Variants in NEK10 observed in about 807,000 individuals in gnomAD.
NEK10 encodes the protein serine/threonine-protein kinase Nek10.
In NEK10, 122 loss-of-function variants were observed where a neutral mutation model predicts 159.8. The observed-to-expected ratio is 0.76, with a 90% CI of 0.66 to 0.89. NEK10 has a LOEUF of 0.89. NEK10 is among the 40% of genes least tolerant of loss of function. The pLI, the probability that NEK10 is intolerant of heterozygous loss-of-function variation, is 0.00. For missense variants in NEK10, 1,342 were observed against 1,323.1 expected, an observed-to-expected ratio of 1.01 and a Z score of -0.22; for synonymous variants, 466 against 457.1, an observed-to-expected ratio of 1.02 and a Z score of -0.25.
chr3:27,180,797 CTCT>C (rs1468729833), intron 26 of NEK10, among the ~76,000 whole-genome samples: 1 of 152,086 alleles, frequency 6.6e-6, no homozygotes, highest in East Asian at 1.9e-4. Context: ...CCACTGCAAT[CTCT>C]TCTTAACCAA....
At chr3:27,212,385 T>C (rs1342629185) in intron 23 of NEK10, among the ~76,000 whole-genome samples, 1 of 152,222 alleles carries the variant, frequency 6.6e-6, no homozygotes, top group East Asian at 1.9e-4. Flanking sequence ...ATCTGTAATC[T>C]TATGTGGCTG....
chr3:27,281,855 G>A (rs528682719), intron 22 of NEK10, among the ~76,000 whole-genome samples: 4 of 152,254 alleles, frequency 2.6e-5, no homozygotes, highest in Admixed American at 2.6e-4. Flanking sequence ...ACAAAAGTGG[G>A]AGTACTTATC....
chr3:27,341,038 C>A (rs1040743185), intron 5 of NEK10, among the ~76,000 whole-genome samples: 1 of 152,006 alleles, frequency 6.6e-6, no homozygotes, highest in African/African-American at 2.4e-5. Context: ...AAAATCACAT[C>A]ATTTATAGCA....
chr3:27,115,244 C>T (rs2125412926), intron 35 of NEK10, among the ~76,000 whole-genome samples: 1 of 152,320 alleles, frequency 6.6e-6, no homozygotes, highest in Middle Eastern at 3.4e-3. Flanking sequence ...CAATCACCTA[C>T]AATGCTAATT....
At chr3:27,331,262 A>AAAAAAAAAAAAAAAAACAC in intron 5 of NEK10, among the ~76,000 whole-genome samples, 10 of 110,074 alleles carry the variant, frequency 9.1e-5, no homozygotes, top group African/African-American at 1.2e-4. Context: ...AAAAAAAAAA[A>AAAAAAAAAAAAAAAAACAC]ACACACAAAC....
chr3:27,269,406 C>A (rs765947106), intron 22 of NEK10, among the ~76,000 whole-genome samples: 4 of 152,188 alleles, frequency 2.6e-5, no homozygotes, highest in Non-Finnish European at 4.4e-5. Context: ...ATTGCCACAG[C>A]CACACCAAAC....
chr3:27,120,715 A>G (rs1319325018), intron 32 of NEK10, among the ~76,000 whole-genome samples: 1 of 152,150 alleles, frequency 6.6e-6, no homozygotes, highest in Non-Finnish European at 1.5e-5. Context: ...TGATGGAAAG[A>G]GTAATTTGCC....
In NEK10 at chr3:27,256,279, A is replaced by G; in HGVS notation, c.2090+17T>C. ...GTTAAGTATGATGTTTGAGAGCCATAAAAGAATTGTCCTTACCAAGAATAC... is the reference window on the plus strand; with the variant it reads ...GTTAAGTATGATGTTTGAGAGCCATGAAAGAATTGTCCTTACCAAGAATAC... On this transcript the variant is annotated intron_variant, in intron 23 of 35. Coordinates refer to ENST00000691995, the MANE Select transcript of NEK10 (RefSeq NM_001394966.1). 1.5e-6 allele frequency: 2 copies of G among 1,307,664 alleles called. No individual in the cohort carries two copies. Among genetic ancestry groups the G allele is most frequent in the Non-Finnish European group, 2.1e-6 (2 of 957,442 alleles). 81.0% of individuals were successfully genotyped at this position (1,307,664 alleles called of 1,614,324 possible).
At chr3:27,338,696 CAT>C (rs2046989295) in intron 5 of NEK10, among the ~76,000 whole-genome samples, 1 of 152,178 alleles carries the variant, frequency 6.6e-6, no homozygotes, top group Middle Eastern at 3.2e-3. Context: ...AGCATTTTTG[CAT>C]ATGTCTGTTG....
At chr3:27,288,197 T>G (rs1403871864) in intron 19 of NEK10, among the ~76,000 whole-genome samples, 1 of 152,240 alleles carries the variant, frequency 6.6e-6, no homozygotes, top group Non-Finnish European at 1.5e-5. Context: ...CTATTTACAC[T>G]ATTTCTGTCT....
chr3:27,165,793 T>C (rs1403668456), intron 29 of NEK10, among the ~76,000 whole-genome samples: 3 of 152,164 alleles, frequency 2.0e-5, no homozygotes, highest in African/African-American at 7.2e-5. Flanking sequence ...GGAATTAGCA[T>C]CGTAATTTTT....
chr3:27,119,273 G>A (rs1463539174), intron 33 of NEK10, among the ~76,000 whole-genome samples: 1 of 152,134 alleles, frequency 6.6e-6, no homozygotes, highest in Admixed American at 6.5e-5. Context: ...TTGAATCTAG[G>A]CACCCAGGTT....
intron 5 of NEK10, among the ~76,000 whole-genome samples, chr3:27,330,534 TA>T (rs2046322945): frequency 6.6e-6 from 1 of 152,220 alleles, no homozygotes; most frequent in Non-Finnish European, 1.5e-5. Context: ...AAAGTTAATA[TA>T]GCTGTTTCTA....
intron 22 of NEK10, among the ~76,000 whole-genome samples, chr3:27,282,171 T>C (rs1235056425): frequency 3.3e-5 from 5 of 152,130 alleles, no homozygotes; most frequent in South Asian, 2.1e-4. Flanking sequence ...CCCATTACAA[T>C]AGAAAATCAA....
At chr3:27,241,038 C>G (rs1407046609) in intron 23 of NEK10, among the ~76,000 whole-genome samples, 2 of 151,986 alleles carry the variant, frequency 1.3e-5, no homozygotes, top group South Asian at 2.1e-4. Flanking sequence ...GAGTAGCACC[C>G]CAGAACTACA....
chr3:27,308,945 G>C lies in NEK10; in HGVS notation c.697C>G (p.Leu233Val), dbSNP rs200261554. 30 of 1,594,028 alleles carry C rather than the reference G, an allele frequency of 1.9e-5. No individual in the cohort carries two copies. The highest frequency in any genetic ancestry group is 1.8e-4 in the Admixed American group (11 of 59,758). Reference sequence around the variant, plus strand: ...ACTTACCTTTCTGCTAAACTAGCCAGAGCCAGAAGGGAACCCAATAGAACA... The same window carrying C: ...ACTTACCTTTCTGCTAAACTAGCCACAGCCAGAAGGGAACCCAATAGAACA... ...TNVLLGSLLA[L>V]ASLAESQECR... Residue 233 changes from leucine to valine, a missense_variant, in exon 10 of 36, where the codon CTG becomes GTG. Coordinates refer to ENST00000691995, the MANE Select transcript of NEK10 (RefSeq NM_001394966.1).
intron 23 of NEK10, 114 bp from the exon 24 acceptor site, chr3:27,202,671 A>C (rs1360715513): frequency 7.7e-7 from 1 of 1,290,618 alleles, no homozygotes. Flanking sequence ...TGTTTAACTT[A>C]ATCACTATTT....
At chr3:27,245,574 C>T (rs1954975067) in intron 23 of NEK10, among the ~76,000 whole-genome samples, 1 of 152,140 alleles carries the variant, frequency 6.6e-6, no homozygotes, top group South Asian at 2.1e-4. Flanking sequence ...TTGGACTGCC[C>T]AGCCAAGCCA....
At chr3:27,261,188 A>AT (rs2040382385) in intron 22 of NEK10, among the ~76,000 whole-genome samples, 1 of 151,992 alleles carries the variant, frequency 6.6e-6, no homozygotes, top group Non-Finnish European at 1.5e-5. Flanking sequence ...GGATTCATTG[A>AT]TTTTTTGAAG....
Sources: allele counts gnomAD v4.1 joint callset (sites outside exome capture counted in the v4.1 genomes callset), GRCh38; gene constraint gnomAD v4.1.1; transcripts MANE v1.5; gene names NCBI Gene and HGNC (gene_info 2026-07-23, HGNC 2026-07-21).